Variants in RPS6KC1 observed in about 807,000 individuals in gnomAD.
RPS6KC1 encodes inactive ribosomal protein S6 kinase delta-1.
RPS6KC1 carries 54 observed loss-of-function variants against 103.8 expected under a neutral mutation model. That is an observed-to-expected ratio of 0.52 (90% CI 0.42 to 0.65). The LOEUF (loss-of-function observed/expected upper bound fraction) is 0.65. RPS6KC1 is among the 30% of genes least tolerant of loss of function. The probability of loss-of-function intolerance (pLI) is 0.00; values close to 1 mark genes in which losing one functional copy is unlikely to be tolerated. For missense variants in RPS6KC1, 1,151 were observed against 1,253.8 expected (o/e 0.92, Z 1.24); for synonymous variants, 439 against 438.7 (o/e 1.00, Z -0.01).
At chr1:213,361,054 A>G in the RPS6KC1 span, among the ~76,000 whole-genome samples, 43 of 152,338 alleles carry the variant, frequency 2.8e-4, no homozygotes, top group African/African-American at 1.0e-3. Flanking sequence ...CTCAAACTCC[A>G]TGCTGGGAGA....
intron 6 of RPS6KC1, among the ~76,000 whole-genome samples, chr1:213,137,754 T>G (rs188216963): frequency 9.4e-4 from 19 of 20,136 alleles, no homozygotes; most frequent in African/African-American, 3.3e-3. Flanking sequence ...TCCAGTTTGC[T>G]CTCTCTCTCT....
At chr1:213,227,979 T>C (rs538678474) in intron 8 of RPS6KC1, among the ~76,000 whole-genome samples, 2 of 152,238 alleles carry the variant, frequency 1.3e-5, no homozygotes, top group Admixed American at 1.3e-4. Context: ...CGTTCACAAA[T>C]GTTGGGGATT....
the RPS6KC1 span, among the ~76,000 whole-genome samples, chr1:213,695,680 C>T: frequency 2.6e-4 from 39 of 152,374 alleles, no homozygotes; most frequent in South Asian, 7.3e-3. Flanking sequence ...ATAGGCTAGA[C>T]TTCCCTCTTG....
the RPS6KC1 span, among the ~76,000 whole-genome samples, chr1:213,592,991 A>G: frequency 1.3e-5 from 2 of 152,308 alleles, no homozygotes; most frequent in South Asian, 4.1e-4. Flanking sequence ...GCTAATGGAA[A>G]TCAAGGAGGC....
the RPS6KC1 span, among the ~76,000 whole-genome samples, chr1:213,860,741 C>G: frequency 6.6e-6 from 1 of 152,146 alleles, no homozygotes; most frequent in African/African-American, 2.4e-5. Context: ...GCAGAAGACG[C>G]AGCCAGAGCC....
chr1:213,500,672 G>A, the RPS6KC1 span, among the ~76,000 whole-genome samples: 1 of 152,276 alleles, frequency 6.6e-6, no homozygotes, highest in Admixed American at 6.5e-5. Context: ...AAGGTGATAG[G>A]AATTTTCCAG....
At chr1:213,078,699 G>A (rs56076309) in intron 3 of RPS6KC1, among the ~76,000 whole-genome samples, 9,460 of 152,216 alleles carry the variant, frequency 0.062, 401 homozygotes, top group Middle Eastern at 0.14. Context: ...ACTGTGCCCG[G>A]GCCAGAACAT....
the RPS6KC1 span, among the ~76,000 whole-genome samples, chr1:213,624,288 T>A: frequency 6.6e-6 from 1 of 152,174 alleles, no homozygotes; most frequent in Non-Finnish European, 1.5e-5. Context: ...AAAAGGTCAT[T>A]TCGTGTTTGG....
chr1:213,124,943 T>C (rs7533253), intron 5 of RPS6KC1, among the ~76,000 whole-genome samples: 145,986 of 152,216 alleles, frequency 0.96, 70,026 homozygotes, highest in East Asian at 1. Context: ...CCTTTGTACT[T>C]GTGTCTAACT....
At chr1:213,445,397 A>T in the RPS6KC1 span, among the ~76,000 whole-genome samples, 6,735 of 152,302 alleles carry the variant, frequency 0.044, 167 homozygotes, top group African/African-American at 0.06. Flanking sequence ...AAGAACCAGA[A>T]TCCTCATCAA....
the RPS6KC1 span, among the ~76,000 whole-genome samples, chr1:213,388,175 A>G: frequency 2.0e-5 from 3 of 152,342 alleles, no homozygotes; most frequent in South Asian, 2.1e-4. Flanking sequence ...AAGAGCATGC[A>G]TGATGCTGAC....
At chr1:213,668,417 A>ACCCCCC in the RPS6KC1 span, among the ~76,000 whole-genome samples, 2 of 8,800 alleles carry the variant, frequency 2.3e-4, no homozygotes, top group Middle Eastern at 0.25. Context: ...CCCCACCCCC[A>ACCCCCC]CCCCGAGGAG....
the RPS6KC1 span, among the ~76,000 whole-genome samples, chr1:213,805,704 T>C: frequency 6.6e-6 from 1 of 152,264 alleles, no homozygotes; most frequent in South Asian, 2.1e-4. Flanking sequence ...TATTTTGACC[T>C]CATCTTTTGA....
In RPS6KC1 at chr1:213,190,695, CT is replaced by C. The variant is rs1267434880; in HGVS notation, c.1044+14205del. 1.2e-4 allele frequency among the ~76,000 whole-genome samples: 18 copies of C among 152,276 alleles called. No individual in the cohort carries two copies. In the South Asian group the frequency reaches 2.1e-3, roughly 18 times the overall value. ...TCCATTTTTGCTTTGGTTGCCTGCG[CT>C]TGTAGCGTATTACTCAATAAATTTT... On this transcript the variant is annotated intron_variant, in intron 8 of 14. Coordinates refer to ENST00000366960, the MANE Select transcript of RPS6KC1 (RefSeq NM_012424.6).
intron 3 of RPS6KC1, among the ~76,000 whole-genome samples, chr1:213,093,316 T>G (rs796686094): frequency 2.0e-4 from 30 of 152,126 alleles, no homozygotes; most frequent in African/African-American, 6.7e-4. Flanking sequence ...GTTCAAGAGA[T>G]TCTCCTGCCT....
chr1:213,500,648 C>T, the RPS6KC1 span, among the ~76,000 whole-genome samples: 8 of 152,122 alleles, frequency 5.3e-5, no homozygotes, highest in Admixed American at 6.6e-5. Flanking sequence ...TGTGCTATGA[C>T]ATTAGGACAG....
the RPS6KC1 span, among the ~76,000 whole-genome samples, chr1:213,472,945 G>C: frequency 6.6e-6 from 1 of 152,186 alleles, no homozygotes; most frequent in Non-Finnish European, 1.5e-5. Context: ...ACATCCCCTT[G>C]AATGTTATCT....
At chr1:213,539,960 A>G in the RPS6KC1 span, among the ~76,000 whole-genome samples, 3 of 152,364 alleles carry the variant, frequency 2.0e-5, no homozygotes, top group East Asian at 3.9e-4. Context: ...TACATACCTG[A>G]ATTAAAAAAT....
chr1:213,461,771 TA>T, the RPS6KC1 span, among the ~76,000 whole-genome samples: 3 of 151,410 alleles, frequency 2.0e-5, no homozygotes, highest in Non-Finnish European at 3.0e-5. Context: ...ATACAAAAAT[TA>T]AGATGGATGA....
Sources: allele counts gnomAD v4.1 joint callset (sites outside exome capture counted in the v4.1 genomes callset), GRCh38; gene constraint gnomAD v4.1.1; transcripts MANE v1.5; gene names NCBI Gene and HGNC (gene_info 2026-07-23, HGNC 2026-07-21).